Variants in MUC22 observed in about 807,000 individuals in gnomAD.
The protein encoded by MUC22 is mucin 22.
Under a neutral mutation model 40.3 loss-of-function variants are expected in MUC22, and 24 were observed. That is an observed-to-expected ratio of 0.60 (90% CI 0.43 to 0.84). The LOEUF is 0.84. Ranked by LOEUF, MUC22 falls within the 40% of genes least tolerant of loss-of-function variation. The probability of loss-of-function intolerance (pLI) is 0.00; values close to 1 mark genes in which losing one functional copy is unlikely to be tolerated. For missense variants in MUC22, 1,926 were observed against 2,130.7 expected, an observed-to-expected ratio of 0.90 and a Z score of 1.89; for synonymous variants, 765 against 844.5, an observed-to-expected ratio of 0.91 and a Z score of 1.63.
At chr6:31,006,206 A>G, upstream of MUC22, 1 of 323,464 alleles carries the variant, frequency 3.1e-6, no homozygotes, top group South Asian at 2.3e-5. Flanking sequence ...TGCTTAATTC[A>G]CCAAAAAGTT....
At chr6:31,033,675 A>G (rs1429838529) in intron 3 of MUC22, among the ~76,000 whole-genome samples, 2 of 152,162 alleles carry the variant, frequency 1.3e-5, no homozygotes, top group Admixed American at 1.3e-4. Flanking sequence ...GTTCTTCCCA[A>G]TTCTGAGCTG....
At chr6:31,033,093 A>C (rs1766187515) in intron 3 of MUC22, among the ~76,000 whole-genome samples, 1 of 152,114 alleles carries the variant, frequency 6.6e-6, no homozygotes, top group South Asian at 2.1e-4. Context: ...TGAACCTGGG[A>C]GATGGAGGTT....
upstream of MUC22, among the ~76,000 whole-genome samples, chr6:31,008,444 G>A (rs531552941): frequency 2.6e-5 from 4 of 152,300 alleles, no homozygotes; most frequent in East Asian, 7.7e-4. Context: ...AAGAAGTGGA[G>A]GGGAGAGCCC....
At chr6:31,017,249 G>A (rs1459989636) in intron 1 of MUC22, among the ~76,000 whole-genome samples, 1 of 152,240 alleles carries the variant, frequency 6.6e-6, no homozygotes, top group Non-Finnish European at 1.5e-5. Context: ...ACTAGGTGAG[G>A]CCAGCTGGGC....
exon 2 of MUC22, chr6:31,025,562 G>A: frequency 6.5e-7 from 1 of 1,528,566 alleles, no homozygotes; most frequent in African/African-American, 1.4e-5. Context: ...TCCATCACAG[G>A]CTCTGAGACC....
At chr6:31,035,187 G>A in exon 4 of MUC22, 1 of 494,944 alleles carries the variant, frequency 2.0e-6, no homozygotes, top group Admixed American at 3.6e-5. Context: ...TGACTGGCTT[G>A]GAGGGGACTT....
chr6:31,018,772 A>T (rs763647592), intron 1 of MUC22, among the ~76,000 whole-genome samples: 1 of 152,266 alleles, frequency 6.6e-6, no homozygotes, highest in African/African-American at 2.4e-5. Context: ...TCTCTGCAAA[A>T]ATCAATTCAG....
At chr6:31,023,708 G>A (rs571891772) in intron 1 of MUC22, among the ~76,000 whole-genome samples, 127 of 152,116 alleles carry the variant, frequency 8.3e-4, no homozygotes, top group African/African-American at 3.0e-3. Context: ...TACAAATAGG[G>A]TAAACAATAG....
chr6:31,015,951 G>C (rs1486723645), intron 1 of MUC22, among the ~76,000 whole-genome samples: 2 of 151,984 alleles, frequency 1.3e-5, no homozygotes, highest in Non-Finnish European at 2.9e-5. Context: ...GACCTCCTGG[G>C]CTGACACTCT....
chr6:31,014,622 T>C (rs1024942922), intron 1 of MUC22, among the ~76,000 whole-genome samples: 1 of 152,206 alleles, frequency 6.6e-6, no homozygotes, highest in African/African-American at 2.4e-5. Flanking sequence ...AATGCTAAGC[T>C]GCTGTAACAA....
intron 1 of MUC22, among the ~76,000 whole-genome samples, chr6:31,018,450 G>A (rs750718316): frequency 1.3e-5 from 2 of 152,164 alleles, no homozygotes; most frequent in Non-Finnish European, 2.9e-5. Context: ...CACCCCCAAT[G>A]GAGGCCTGTA....
exon 4 of MUC22, chr6:31,035,141 T>C (rs1766362988): frequency 6.8e-6 from 4 of 589,138 alleles, no homozygotes; most frequent in Non-Finnish European, 1.1e-5. Context: ...ATGGACTAGG[T>C]CAAGAAAAGA....
chr6:31,034,601 C>T (rs1766307734), intron 3 of MUC22, 71 bp from the exon 4 acceptor site: 4 of 1,287,704 alleles, frequency 3.1e-6, no homozygotes, highest in African/African-American at 3.0e-5. Context: ...ATTGGTGAAA[C>T]AGGCATGTAT....
chr6:31,028,940 C>T lies in MUC22; in HGVS notation c.3509C>T (p.Thr1170Ile), dbSNP rs1765731546. 5.9e-6 allele frequency: 9 copies of T among 1,520,434 alleles called. No individual in the cohort carries two copies. The South Asian group carries it at 1.1e-4, about 18-fold the overall frequency. The allele number at this position is 1,520,434 out of a possible 1,614,324, so 94.2% of individuals were successfully genotyped here. The stretch of plus-strand genomic sequence containing the variant: ...GGCTCTGAGATCACTACAGTTTCTA[C>T]CACAGGCTCTGAGACCACCACAGCC... The change falls in exon 2 of 4, where the codon ACC (threonine) becomes ATC (isoleucine). Residue 1170 changes from threonine to isoleucine, a missense_variant. Thr to Ile is a moderately conservative substitution (Grantham distance 89). Transcript: ENST00000561890.
At chr6:31,023,602 A>G (rs1352300051) in intron 1 of MUC22, among the ~76,000 whole-genome samples, 1 of 152,214 alleles carries the variant, frequency 6.6e-6, no homozygotes, top group Non-Finnish European at 1.5e-5. Context: ...TGGTCCAGAC[A>G]CCACAATTAA....
intron 2 of MUC22, 53 bp downstream of exon 2, chr6:31,030,153 C>T (rs1436522761): frequency 1.4e-5 from 21 of 1,452,484 alleles, no homozygotes; most frequent in Non-Finnish European, 1.8e-5. Flanking sequence ...CCAGTGGCAA[C>T]CACCAGCTGT....
chr6:31,021,743 T>C (rs1278352749), intron 1 of MUC22, among the ~76,000 whole-genome samples: 1 of 152,130 alleles, frequency 6.6e-6, no homozygotes, highest in Non-Finnish European at 1.5e-5. Flanking sequence ...ATCAGCACCC[T>C]GTCAAAACAG....
intron 1 of MUC22, among the ~76,000 whole-genome samples, chr6:31,020,087 A>C (rs1764558312): frequency 6.6e-6 from 1 of 152,206 alleles, no homozygotes; most frequent in South Asian, 2.1e-4. Context: ...ATTTGATGAA[A>C]ACTATAAACT....
exon 2 of MUC22, chr6:31,027,636 C>T (rs1383824542): frequency 2.0e-6 from 3 of 1,529,248 alleles, no homozygotes; most frequent in Non-Finnish European, 2.6e-6. Context: ...GCTCTGAGAC[C>T]ACCACAGCCT....
Sources: allele counts gnomAD v4.1 joint callset (sites outside exome capture counted in the v4.1 genomes callset), GRCh38; gene constraint gnomAD v4.1.1; transcripts MANE v1.5; gene names NCBI Gene and HGNC (gene_info 2026-07-23, HGNC 2026-07-21).